ARMC9: variants seen among roughly 807,000 people sequenced by gnomAD.
ARMC9 encodes the protein lisH domain-containing protein ARMC9.
ARMC9 carries 94 observed loss-of-function variants against 107.0 expected under a neutral mutation model. The observed-to-expected ratio is 0.88, with a 90% confidence interval of 0.74 to 1.04. The LOEUF (loss-of-function observed/expected upper bound fraction) is 1.04, where lower values mean the gene tolerates loss of function less well. ARMC9 is among the 50% of genes least tolerant of loss of function. ARMC9 has a pLI of 0.00. For missense variants in ARMC9, 942 were observed against 1,030.1 expected (o/e 0.91, Z 1.17); for synonymous variants, 380 against 396.9 (o/e 0.96, Z 0.51).
chr2:231,270,414 T>C, intron 12 of ARMC9: 1 of 350,522 alleles, frequency 2.9e-6, no homozygotes, highest in Non-Finnish European at 5.6e-6. Flanking sequence ...CGTCTTTATT[T>C]TTCTTCAGCT....
chr2:231,275,407 A>G (rs1333477449), intron 14 of ARMC9, among the ~76,000 whole-genome samples: 2 of 152,206 alleles, frequency 1.3e-5, no homozygotes, highest in African/African-American at 4.8e-5. Context: ...AGTCTCAGCA[A>G]TTCTTAAAGC....
At chr2:231,279,442 G>A (rs1400156771) in intron 16 of ARMC9, among the ~76,000 whole-genome samples, 4 of 151,880 alleles carry the variant, frequency 2.6e-5, no homozygotes, top group African/African-American at 4.8e-5. Flanking sequence ...AGCAGGATAC[G>A]ATTGAGTACC....
At chr2:231,349,501 GC>G (rs892313558) in intron 21 of ARMC9, among the ~76,000 whole-genome samples, 15 of 152,264 alleles carry the variant, frequency 9.9e-5, no homozygotes, top group African/African-American at 3.6e-4. Flanking sequence ...TAAAGAATGG[GC>G]CAGGCGTGGT....
In ARMC9 at chr2:231,208,234, C is replaced by CA. The variant is rs763539113; in HGVS notation, c.162dup (p.Ser55IlefsTer13). The CA allele has an allele frequency of 2.5e-6, 4 of 1,607,954 alleles. No individual in the cohort carries two copies. In the African/African-American group the frequency reaches 4.0e-5, roughly 16 times the overall value. On this transcript the variant is annotated frameshift_variant, in exon 3 of 25. Coordinates refer to ENST00000611582, the MANE Select transcript of ARMC9 (RefSeq NM_001352754.2). LOFTEE classifies it high-confidence loss of function. ...CAGTAGGCGGATCTTTCAGAGACTC[C>CA]AAATCATTGACAATTCAGGTAACAT...
At chr2:231,229,992 A>G (rs1365751605) in intron 7 of ARMC9, among the ~76,000 whole-genome samples, 1 of 152,210 alleles carries the variant, frequency 6.6e-6, no homozygotes, top group African/African-American at 2.4e-5. Flanking sequence ...AAGAGTCTCA[A>G]TAAATTTCAC....
At chr2:231,333,971 T>C (rs907237358) in intron 20 of ARMC9, among the ~76,000 whole-genome samples, 1 of 152,238 alleles carries the variant, frequency 6.6e-6, no homozygotes, top group South Asian at 2.1e-4. Flanking sequence ...AGACTGCTAG[T>C]TTAATCATGC....
At chr2:231,221,246 C>T (rs964340088) in intron 5 of ARMC9, among the ~76,000 whole-genome samples, 3 of 152,174 alleles carry the variant, frequency 2.0e-5, no homozygotes, top group African/African-American at 7.2e-5. Flanking sequence ...TCTCCATTGT[C>T]CCATGGCCGT....
chr2:231,222,774 C>G lies in ARMC9; in HGVS notation c.551C>G (p.Ala184Gly). Residue 184 changes from alanine to glycine, a missense_variant, in exon 6 of 25, where the codon GCT becomes GGT. Transcript: ENST00000611582. ...AAGTTGAAGTTGATAAAGTTTCTAG[C>G]TTTAATATCTAAAGCCAGCAACACG... ...ELKLKLIKFLALISKASNTPK... is the reference protein window; with the variant it reads ...ELKLKLIKFLGLISKASNTPK... 1 of 1,596,554 alleles carries G rather than the reference C, an allele frequency of 6.3e-7. No homozygotes were observed. The highest frequency in any genetic ancestry group is 2.2e-5 in the East Asian group (1 of 44,738).
intron 21 of ARMC9, among the ~76,000 whole-genome samples, chr2:231,346,630 G>A (rs151139272): frequency 8.7e-4 from 132 of 152,242 alleles, no homozygotes; most frequent in African/African-American, 3.0e-3. Context: ...ATTTACATGC[G>A]TATACATTTT....
chr2:231,231,167 C>T (rs956029779), intron 7 of ARMC9, among the ~76,000 whole-genome samples: 1 of 152,082 alleles, frequency 6.6e-6, no homozygotes, highest in African/African-American at 2.4e-5. Context: ...GCTTTGGGGA[C>T]ATTCACATTG....
At chr2:231,288,677 C>G (rs1559410864) in intron 17 of ARMC9, 3 of 471,224 alleles carry the variant, frequency 6.4e-6, no homozygotes, top group Non-Finnish European at 1.3e-5. Flanking sequence ...GAAGGAGTGA[C>G]TGCGGTTGTG....
chr2:231,337,173 A>G (rs1389790154), intron 20 of ARMC9, among the ~76,000 whole-genome samples: 1 of 148,714 alleles, frequency 6.7e-6, no homozygotes, highest in African/African-American at 2.5e-5. Flanking sequence ...TTTTCAGTCT[A>G]TTATTCCTGC....
Position 231,255,965 on chromosome 2 carries a change from G to A in ARMC9, c.880-621G>A, listed in dbSNP as rs2037746327. 1 of 831,580 alleles carries A rather than the reference G, an allele frequency of 1.2e-6. No individual in the cohort carries two copies. The highest frequency in any genetic ancestry group is 1.7e-5 in the African/African-American group (1 of 57,544). The allele number at this position is 831,580 out of a possible 1,614,324, so 51.5% of individuals were successfully genotyped here. The stretch of plus-strand genomic sequence containing the variant: ...TGAGGCAGGAGAATGGCGTGAACCC[G>A]GTAGGCGGAGGTTGCGGTGAGCCAA... On this transcript the variant is annotated intron_variant, in intron 9 of 24. Transcript: ENST00000611582. This position sits in a 1 kb window ranked among gnomAD's most constrained non-coding sequence, Gnocchi z 4.7.
chr2:231,289,078 A>G (rs148869401), intron 17 of ARMC9, among the ~76,000 whole-genome samples: 1 of 152,244 alleles, frequency 6.6e-6, no homozygotes, highest in East Asian at 1.9e-4. Context: ...ATCTGAAATG[A>G]CAAGTTATTA....
chr2:231,300,642 C>T (rs947091998), intron 19 of ARMC9, among the ~76,000 whole-genome samples: 2 of 152,220 alleles, frequency 1.3e-5, no homozygotes, highest in African/African-American at 2.4e-5. Flanking sequence ...CAAGTTCACA[C>T]AGCTAATAAG....
chr2:231,275,682 G>A (rs1028646549), intron 14 of ARMC9, among the ~76,000 whole-genome samples: 4 of 152,146 alleles, frequency 2.6e-5, no homozygotes, highest in South Asian at 2.1e-4. Flanking sequence ...AGCTGGGCAC[G>A]GTGGCTCACG....
intron 19 of ARMC9, among the ~76,000 whole-genome samples, chr2:231,330,908 A>G (rs1266457824): frequency 2.6e-5 from 4 of 152,122 alleles, no homozygotes; most frequent in Non-Finnish European, 4.4e-5. Flanking sequence ...CTTGGGCTCC[A>G]GGTGTGGCAT....
In ARMC9 at chr2:231,235,198, G is replaced by T. The variant is rs561083817; in HGVS notation, c.623-26G>T. On this transcript the variant is annotated intron_variant, in intron 7 of 24. Transcript: ENST00000611582. ...TTTCATATTGTGGATTTTTATTGATGTTGTTTGTTTTAACTGTCTTCCTAG... is the reference window on the plus strand; with the variant it reads ...TTTCATATTGTGGATTTTTATTGATTTTGTTTGTTTTAACTGTCTTCCTAG... 50 of 1,593,596 alleles carry T rather than the reference G, an allele frequency of 3.1e-5. No individual in the cohort carries two copies. In the East Asian group the frequency reaches 1.1e-3, roughly 34 times the overall value.
chr2:231,228,807 A>G (rs1262872084), intron 7 of ARMC9, among the ~76,000 whole-genome samples: 5 of 151,486 alleles, frequency 3.3e-5, no homozygotes, highest in African/African-American at 4.9e-5. Flanking sequence ...TAGCCTTTGG[A>G]CCCCCAGGCA....
Sources: gnomAD v4.1 joint callset for allele counts (sites outside exome capture counted in the v4.1 genomes callset) on GRCh38, gnomAD v4.1.1 for gene constraint, Gnocchi (gnomAD v3.1) non-coding constraint, MANE v1.5 for transcripts, NCBI Gene and HGNC (gene_info 2026-07-23, HGNC 2026-07-21) for gene names.